The following EGFLAM variants were observed in gnomAD, a reference collection of about 807,000 sequenced individuals.
The protein encoded by EGFLAM is pikachurin.
A neutral mutation model predicts 113.1 loss-of-function variants in EGFLAM; 79 were observed. The ratio of observed to expected loss-of-function variants is 0.70; its 90% CI spans 0.58 to 0.84. The LOEUF (loss-of-function observed/expected upper bound fraction) is 0.84, where lower values mean the gene tolerates loss of function less well. Ranked by LOEUF, EGFLAM falls within the 40% of genes least tolerant of loss-of-function variation. EGFLAM has a pLI of 0.00. For missense variants in EGFLAM, 1,265 were observed against 1,291.6 expected (o/e 0.98, Z 0.32); for synonymous variants, 504 against 487.6 (o/e 1.03, Z -0.44).
At chr5:38,397,769 G>A (rs1011245674) in intron 6 of EGFLAM, among the ~76,000 whole-genome samples, 6 of 152,128 alleles carry the variant, frequency 3.9e-5, no homozygotes, top group East Asian at 3.9e-4. Context: ...GACCCAAACT[G>A]TCATTTGACT....
intron 11 of EGFLAM, 143 bp downstream of exon 11, chr5:38,412,791 A>T: frequency 3.1e-6 from 4 of 1,292,644 alleles, no homozygotes. Context: ...CTCATGGTGA[A>T]CCCATGCAAC....
chr5:38,360,871 A>T (rs1366566751), intron 5 of EGFLAM, among the ~76,000 whole-genome samples: 5 of 146,980 alleles, frequency 3.4e-5, no homozygotes, highest in Non-Finnish European at 5.9e-5. Flanking sequence ...TATTTTTGAG[A>T]TAGAATCTAG....
At chr5:38,367,043 CT>C (rs1251535623) in intron 5 of EGFLAM, among the ~76,000 whole-genome samples, 1 of 152,220 alleles carries the variant, frequency 6.6e-6, no homozygotes, top group Non-Finnish European at 1.5e-5. Flanking sequence ...CCTTCCAAAG[CT>C]GAGCCACTGA....
chr5:38,419,420 C>G (rs1741758247), intron 12 of EGFLAM, among the ~76,000 whole-genome samples: 1 of 152,142 alleles, frequency 6.6e-6, no homozygotes, highest in African/African-American at 2.4e-5. Flanking sequence ...CTCCTTGAAT[C>G]TCTTTTCCCT....
chr5:38,423,844 C>A (rs1741914301), intron 12 of EGFLAM, among the ~76,000 whole-genome samples: 1 of 152,168 alleles, frequency 6.6e-6, no homozygotes, highest in African/African-American at 2.4e-5. Flanking sequence ...CTGGGTCTAA[C>A]CTGGGTGCCT....
chr5:38,293,921 A>T (rs188028433), intron 1 of EGFLAM, among the ~76,000 whole-genome samples: 1 of 152,206 alleles, frequency 6.6e-6, no homozygotes, highest in Non-Finnish European at 1.5e-5. Context: ...CTCCTGGCTC[A>T]TACTCACTCC....
intron 21 of EGFLAM, among the ~76,000 whole-genome samples, chr5:38,463,221 A>G (rs1743350511): frequency 1.3e-5 from 2 of 152,212 alleles, no homozygotes; most frequent in Non-Finnish European, 2.9e-5. Context: ...TGCTTTGGAC[A>G]GATCCACCAG....
At chr5:38,297,705 T>C (rs988533048) in intron 1 of EGFLAM, among the ~76,000 whole-genome samples, 7 of 152,210 alleles carry the variant, frequency 4.6e-5, no homozygotes, top group Admixed American at 2.0e-4. Flanking sequence ...GGCAAAAAGC[T>C]AGCAAGAGTC....
chr5:38,433,444 C>G (rs1011230039), intron 15 of EGFLAM, among the ~76,000 whole-genome samples: 1 of 152,192 alleles, frequency 6.6e-6, no homozygotes, highest in Admixed American at 6.5e-5. Flanking sequence ...AGACACAAAA[C>G]CCCTCACTGC....
intron 17 of EGFLAM, among the ~76,000 whole-genome samples, chr5:38,443,813 C>T (rs1296474974): frequency 6.6e-6 from 1 of 151,206 alleles, no homozygotes; most frequent in East Asian, 1.9e-4. Context: ...TCTGTCACCC[C>T]AGGCTGGAGT....
At chr5:38,277,378 A>G (rs1757909756) in intron 1 of EGFLAM, among the ~76,000 whole-genome samples, 1 of 152,154 alleles carries the variant, frequency 6.6e-6, no homozygotes, top group Non-Finnish European at 1.5e-5. Flanking sequence ...TCACCATAAA[A>G]AGTCTCAACA....
At chr5:38,280,413 C>T (rs1156287398) in intron 1 of EGFLAM, among the ~76,000 whole-genome samples, 1 of 152,232 alleles carries the variant, frequency 6.6e-6, no homozygotes, top group Non-Finnish European at 1.5e-5. Context: ...TCCTTTGCCC[C>T]CTGGCTTCTT....
intron 17 of EGFLAM, among the ~76,000 whole-genome samples, chr5:38,444,370 T>G (rs978379230): frequency 7.2e-5 from 11 of 152,104 alleles, no homozygotes; most frequent in Non-Finnish European, 1.6e-4. Flanking sequence ...TACAGGGAGA[T>G]AGGAGAAATA....
At chr5:38,458,510 A>C in intron 20 of EGFLAM, 116 bp downstream of exon 20, 1 of 939,216 alleles carries the variant, frequency 1.1e-6, no homozygotes, top group East Asian at 2.7e-5. Flanking sequence ...CATCCTAGTT[A>C]CCCCTGATCC....
intron 18 of EGFLAM, among the ~76,000 whole-genome samples, chr5:38,450,423 T>C (rs1742874972): frequency 6.6e-6 from 1 of 152,220 alleles, no homozygotes; most frequent in Admixed American, 6.5e-5. Context: ...CTGTTCACGA[T>C]TGAGGACACT....
chr5:38,352,733 C>CAT (rs1206996599), intron 5 of EGFLAM, among the ~76,000 whole-genome samples: 7 of 151,874 alleles, frequency 4.6e-5, no homozygotes, highest in Non-Finnish European at 1.0e-4. Context: ...AGGTCTCTAC[C>CAT]ATATATATAT....
intron 20 of EGFLAM, among the ~76,000 whole-genome samples, chr5:38,459,555 T>G (rs985255223): frequency 6.6e-5 from 10 of 152,182 alleles, no homozygotes; most frequent in African/African-American, 2.4e-4. Context: ...GCAAGTTAGA[T>G]GAAGGTCCCA....
At chr5:38,303,323 C>A (rs957250935) in intron 1 of EGFLAM, among the ~76,000 whole-genome samples, 1 of 152,142 alleles carries the variant, frequency 6.6e-6, no homozygotes, top group Non-Finnish European at 1.5e-5. Flanking sequence ...AAGATGAAGA[C>A]AATGGTAATT....
chr5:38,425,602 T>A, intron 13 of EGFLAM, among the ~76,000 whole-genome samples: 1 of 152,224 alleles, frequency 6.6e-6, no homozygotes, highest in East Asian at 1.9e-4. Context: ...TGTTTGGTAA[T>A]GAGAACTCAC....
Sources: allele counts gnomAD v4.1 joint callset (sites outside exome capture counted in the v4.1 genomes callset), GRCh38; gene constraint gnomAD v4.1.1; transcripts MANE v1.5; gene names NCBI Gene and HGNC (gene_info 2026-07-23, HGNC 2026-07-21).